Variants in ARHGEF4 observed in about 807,000 individuals in gnomAD.
ARHGEF4 encodes APC-stimulated guanine nucleotide exchange factor 1.
In ARHGEF4, 119 loss-of-function variants were observed where a neutral mutation model predicts 162.0. The observed-to-expected ratio is 0.73, with a 90% CI of 0.63 to 0.86. The LOEUF (loss-of-function observed/expected upper bound fraction) is 0.86, where lower values mean the gene tolerates loss of function less well. ARHGEF4 is among the 40% of genes least tolerant of loss of function. The pLI, the probability that ARHGEF4 is intolerant of heterozygous loss-of-function variation, is 0.00. For synonymous variants in ARHGEF4, 1,014 were observed against 979.9 expected (o/e 1.03, Z -0.65); for missense variants, 2,488 against 2,456.0 (o/e 1.01, Z -0.28).
intron 1 of ARHGEF4, among the ~76,000 whole-genome samples, chr2:130,891,201 A>G (rs1204447884): frequency 6.6e-6 from 1 of 152,228 alleles, no homozygotes. Context: ...CTGTGACTAT[A>G]GTGACTAGGA....
At chr2:131,034,084 G>A (rs1471989167) in intron 5 of ARHGEF4, among the ~76,000 whole-genome samples, 1 of 152,178 alleles carries the variant, frequency 6.6e-6, no homozygotes, top group Non-Finnish European at 1.5e-5. Context: ...GGGTGGCCAA[G>A]AGCTGGCCAC....
At chr2:130,969,679 G>A (rs572775874) in intron 4 of ARHGEF4, among the ~76,000 whole-genome samples, 1 of 152,158 alleles carries the variant, frequency 6.6e-6, no homozygotes, top group African/African-American at 2.4e-5. Flanking sequence ...TACAGTAAAA[G>A]GCACACTTTT....
intron 4 of ARHGEF4, among the ~76,000 whole-genome samples, chr2:130,987,553 C>CT (rs769644872): frequency 1.3e-5 from 2 of 152,176 alleles, no homozygotes; most frequent in African/African-American, 4.8e-5. Flanking sequence ...TCGGAGTGCC[C>CT]TTTTTTCAAT....
intron 4 of ARHGEF4, among the ~76,000 whole-genome samples, chr2:130,989,161 A>G (rs1686770945): frequency 6.6e-6 from 1 of 152,060 alleles, no homozygotes; most frequent in Non-Finnish European, 1.5e-5. Context: ...GGGTTACTCC[A>G]TGTTGGTCAG....
At chr2:130,853,335 G>T (rs576800281) in intron 1 of ARHGEF4, among the ~76,000 whole-genome samples, 28 of 152,276 alleles carry the variant, frequency 1.8e-4, no homozygotes, top group African/African-American at 6.5e-4. Context: ...GGCTTGGCTG[G>T]TCTCTGCCTT....
At chr2:130,913,867 TGGGG>T in intron 1 of ARHGEF4, 115 bp from the exon 2 acceptor site, 1 of 1,230,952 alleles carries the variant, frequency 8.1e-7, no homozygotes, top group Non-Finnish European at 1.1e-6. Context: ...TAGGGGTACA[TGGGG>T]AACTAATGAG....
At chr2:131,035,397 C>G (rs377667727) in intron 5 of ARHGEF4, 4 of 799,650 alleles carry the variant, frequency 5.0e-6, no homozygotes, top group East Asian at 9.9e-5. Flanking sequence ...AGGGCCTGGT[C>G]CGGGGGTGTC....
At chr2:131,023,803 C>A (rs140209368) in intron 4 of ARHGEF4, among the ~76,000 whole-genome samples, 1 of 152,318 alleles carries the variant, frequency 6.6e-6, no homozygotes, top group East Asian at 1.9e-4. Flanking sequence ...CAAACCCCTG[C>A]TGGTGAATTA....
chr2:130,845,581 G>T (rs1164478222), intron 1 of ARHGEF4, among the ~76,000 whole-genome samples: 1 of 152,124 alleles, frequency 6.6e-6, no homozygotes, highest in Non-Finnish European at 1.5e-5. Context: ...ACAGGCTTGA[G>T]CCACTGCACC....
chr2:131,043,115 C>CTAAAA (rs1553446856), intron 10 of ARHGEF4, among the ~76,000 whole-genome samples: 7,365 of 145,150 alleles, frequency 0.051, 569 homozygotes, highest in African/African-American at 0.18. Flanking sequence ...TTGTGATCAA[C>CTAAAA]TATCATTAAT....
intron 1 of ARHGEF4, among the ~76,000 whole-genome samples, chr2:130,905,236 G>A (rs893528428): frequency 6.6e-5 from 10 of 151,940 alleles, no homozygotes; most frequent in Non-Finnish European, 1.2e-4. Context: ...TTTAATGGCT[G>A]TTTAATTTTC....
chr2:130,877,174 G>C (rs1434335303), intron 1 of ARHGEF4, among the ~76,000 whole-genome samples: 1 of 152,112 alleles, frequency 6.6e-6, no homozygotes, highest in Non-Finnish European at 1.5e-5. Context: ...GGGACGCAGG[G>C]GTTCTAGAAT....
intron 2 of ARHGEF4, among the ~76,000 whole-genome samples, chr2:130,918,047 C>T (rs146464720): frequency 0.01 from 1,562 of 151,710 alleles, 30 homozygotes; most frequent in African/African-American, 0.036. Flanking sequence ...GTCTTGAACT[C>T]CTGACCTCGT....
chr2:130,967,855 A>G (rs981398309), intron 4 of ARHGEF4, among the ~76,000 whole-genome samples: 4 of 152,228 alleles, frequency 2.6e-5, no homozygotes, highest in Non-Finnish European at 5.9e-5. Context: ...CTTAGAGCAG[A>G]GGCCAGGAGA....
At chr2:130,967,125 G>A (rs1685057797) in intron 4 of ARHGEF4, among the ~76,000 whole-genome samples, 1 of 152,168 alleles carries the variant, frequency 6.6e-6, no homozygotes, top group South Asian at 2.1e-4. Flanking sequence ...TTCCTCACAG[G>A]GCGCACAGCA....
At chr2:130,938,517 AG>A (rs1488887550) in intron 3 of ARHGEF4, among the ~76,000 whole-genome samples, 1 of 152,222 alleles carries the variant, frequency 6.6e-6, no homozygotes, top group Non-Finnish European at 1.5e-5. Flanking sequence ...CTAACTGGAT[AG>A]CCTTTTCATT....
rs1308978075 is a variant in ARHGEF4 at position 131,044,489 on chromosome 2, G to C, written c.5348G>C (p.Trp1783Ser). 1.9e-6 allele frequency: 3 copies of C among 1,552,470 alleles called. No homozygotes were observed. The change falls in exon 12 of 14, where the codon TGG becomes TCG. Residue 1783 changes from tryptophan (W) to serine (S), a missense_variant. By Grantham distance (177) the Trp-to-Ser change is radical (BLOSUM62 -3). Transcript: ENST00000409359. Reference sequence around the variant, plus strand: ...AGGAAGCCCGAGCAGAAGCAGCGCTGGCTCAAGGCCTTTGCCAGGGAGAGG... The same window carrying C: ...AGGAAGCCCGAGCAGAAGCAGCGCTCGCTCAAGGCCTTTGCCAGGGAGAGG... ...CTRKPEQKQR[W>S]LKAFAREREQ...
At chr2:131,044,206 G>GC in intron 11 of ARHGEF4, 93 bp from the exon 12 acceptor site, 1 of 1,522,684 alleles carries the variant, frequency 6.6e-7, no homozygotes, top group Non-Finnish European at 8.9e-7. Context: ...ATCACCAGCA[G>GC]CCCCTCCTAT....
At position 130,916,047 on chromosome 2, in the gene ARHGEF4, G is replaced by A; in HGVS notation, c.2101G>A (p.Asp701Asn). The A allele has an allele frequency of 6.5e-7, 1 of 1,550,346 alleles. No homozygotes were observed. Among genetic ancestry groups the A allele is most frequent in the Non-Finnish European group, 8.7e-7 (1 of 1,146,898 alleles). Reference sequence around the variant, plus strand: ...AGCAGCCCCCATACAGGGAGCTGGCGATGGGGCTCTTCAGCGGGTGGCCCA... The same window carrying A: ...AGCAGCCCCCATACAGGGAGCTGGCAATGGGGCTCTTCAGCGGGTGGCCCA... ...LPAAPIQGAGDGALQRVAQAA... is the reference protein window; with the variant it reads ...LPAAPIQGAGNGALQRVAQAA... Residue 701 changes from aspartate to asparagine, a missense_variant, in exon 2 of 14, where the codon GAT becomes AAT. Transcript: ENST00000409359.
Sources: allele counts gnomAD v4.1 joint callset (sites outside exome capture counted in the v4.1 genomes callset), GRCh38; gene constraint gnomAD v4.1.1; transcripts MANE v1.5; gene names NCBI Gene and HGNC (gene_info 2026-07-23, HGNC 2026-07-21).